SDK1: variants seen among roughly 807,000 people sequenced by gnomAD.
SDK1 encodes sidekick cell adhesion molecule 1.
Under a neutral mutation model 245.5 loss-of-function variants are expected in SDK1, and 157 were observed. The observed-to-expected ratio is 0.64, with a 90% CI of 0.56 to 0.73. SDK1 has a LOEUF of 0.73. SDK1 is among the 30% of genes least tolerant of loss of function. The pLI, the probability that SDK1 is intolerant of heterozygous loss-of-function variation, is 0.00. For missense variants in SDK1, 3,583 were observed against 3,002.3 expected, an observed-to-expected ratio of 1.19 and a Z score of -4.52; for synonymous variants, 1,647 against 1,278.5, an observed-to-expected ratio of 1.29 and a Z score of -6.15.
At chr7:3,607,987 G>C (rs1421463389) in intron 1 of SDK1, among the ~76,000 whole-genome samples, 5 of 152,230 alleles carry the variant, frequency 3.3e-5, no homozygotes, top group Admixed American at 2.6e-4. Flanking sequence ...CATCAGAATA[G>C]ACCTTTGTAC....
rs944677220 is a variant in SDK1 at position 3,859,875 on chromosome 7, A to T, written c.847+38292A>T. 6.6e-5 allele frequency among the ~76,000 whole-genome samples: 10 copies of T among 152,280 alleles called. No homozygotes were observed. The East Asian group carries it at 1.2e-3, about 18-fold the overall frequency. On this transcript the variant is annotated intron_variant, in intron 5 of 44. Coordinates refer to ENST00000404826, the MANE Select transcript of SDK1 (RefSeq NM_152744.4). The stretch of plus-strand genomic sequence containing the variant: ...TAGAAAATAATGACGTGTGGGGAAG[A>T]TCTTTTTTAAGAAACAAAGTTTTAA...
intron 1 of SDK1, among the ~76,000 whole-genome samples, chr7:3,612,737 G>T (rs556297039): frequency 2.0e-5 from 3 of 152,138 alleles, no homozygotes; most frequent in Non-Finnish European, 2.9e-5. Flanking sequence ...TTCAGCTGTG[G>T]CAAAAGCGGA....
intron 5 of SDK1, among the ~76,000 whole-genome samples, chr7:3,834,770 G>A (rs775167813): frequency 6.6e-6 from 1 of 152,158 alleles, no homozygotes; most frequent in Admixed American, 6.6e-5. Flanking sequence ...CGCAAGCCAC[G>A]GGAAGAGTGC....
intron 20 of SDK1, among the ~76,000 whole-genome samples, chr7:4,073,558 C>G (rs1480003852): frequency 6.6e-6 from 1 of 152,184 alleles, no homozygotes; most frequent in African/African-American, 2.4e-5. Context: ...TGAAAAACAG[C>G]TTTTAAACAA....
At chr7:3,430,246 C>G (rs1432690210) in intron 1 of SDK1, among the ~76,000 whole-genome samples, 2 of 152,198 alleles carry the variant, frequency 1.3e-5, no homozygotes, top group Non-Finnish European at 2.9e-5. Flanking sequence ...ACTTGATGCA[C>G]TCCAGGTGCA....
At chr7:3,642,495 C>T (rs1676881642) in intron 4 of SDK1, among the ~76,000 whole-genome samples, 1 of 151,996 alleles carries the variant, frequency 6.6e-6, no homozygotes, top group South Asian at 2.1e-4. Flanking sequence ...TTTTTTCCCC[C>T]TCCTTTTATT....
chr7:3,753,022 T>G (rs752020213), intron 4 of SDK1, among the ~76,000 whole-genome samples: 1 of 152,206 alleles, frequency 6.6e-6, no homozygotes, highest in Non-Finnish European at 1.5e-5. Flanking sequence ...ACGTTGATAC[T>G]ACTCGGTGTC....
At chr7:3,758,132 G>A (rs1037241154) in intron 4 of SDK1, among the ~76,000 whole-genome samples, 3 of 152,132 alleles carry the variant, frequency 2.0e-5, no homozygotes, top group Non-Finnish European at 2.9e-5. Flanking sequence ...GAGTATCAAA[G>A]AATTCGTGGG....
intron 5 of SDK1, among the ~76,000 whole-genome samples, chr7:3,831,548 C>A (rs1238370177): frequency 6.6e-6 from 1 of 152,086 alleles, no homozygotes; most frequent in Non-Finnish European, 1.5e-5. Context: ...AAGGGAGCAC[C>A]TAGAGTGGTA....
intron 5 of SDK1, among the ~76,000 whole-genome samples, chr7:3,911,019 A>C (rs1779143811): frequency 6.6e-6 from 1 of 152,110 alleles, no homozygotes; most frequent in African/African-American, 2.4e-5. Flanking sequence ...AGCGCCACTG[A>C]TGCACAGCCT....
At chr7:3,714,743 G>A (rs376292306) in intron 4 of SDK1, among the ~76,000 whole-genome samples, 12 of 152,200 alleles carry the variant, frequency 7.9e-5, no homozygotes, top group East Asian at 1.9e-4. Flanking sequence ...TGCTTGAAGC[G>A]TTGAGTGTCA....
rs1243455419 is a variant in SDK1, at chr7:3,655,481, A to ATGTATGTATGTATG, written c.713+13377_713+13378insGTATGTATGTATGT. The stretch of plus-strand genomic sequence containing the variant: ...TATATATATATATATATATATATAT[A>ATGTATGTATGTATG]TATATATATATATATATATATATGT... On this transcript the variant is annotated intron_variant, in intron 4 of 44. Transcript: ENST00000404826. Among the ~76,000 whole-genome samples, 11 of 76,280 alleles carry ATGTATGTATGTATG rather than the reference A, an allele frequency of 1.4e-4. 1 individual carries two copies. The highest frequency in any genetic ancestry group is 2.8e-4 in the African/African-American group (6 of 21,542). 50.0% of individuals were successfully genotyped at this position (76,280 alleles called of 152,430 possible).
intron 1 of SDK1, among the ~76,000 whole-genome samples, chr7:3,613,204 A>T (rs775524519): frequency 6.6e-6 from 1 of 152,080 alleles, no homozygotes; most frequent in South Asian, 2.1e-4. Flanking sequence ...CCCTTTCTTG[A>T]TGTTAGGGAA....
intron 1 of SDK1, among the ~76,000 whole-genome samples, chr7:3,320,681 C>T (rs1211741100): frequency 6.6e-6 from 1 of 151,986 alleles, no homozygotes; most frequent in Admixed American, 6.6e-5. Context: ...CATGGCCATC[C>T]CAGAATAAGT....
intron 1 of SDK1, among the ~76,000 whole-genome samples, chr7:3,402,278 T>C (rs1169134718): frequency 6.6e-6 from 1 of 152,158 alleles, no homozygotes; most frequent in African/African-American, 2.4e-5. Context: ...ATGATATCTG[T>C]TATAAAGGAT....
chr7:3,376,574 A>G (rs1458231593), intron 1 of SDK1, among the ~76,000 whole-genome samples: 1 of 152,232 alleles, frequency 6.6e-6, no homozygotes, highest in Non-Finnish European at 1.5e-5. Context: ...CATTGTATTT[A>G]CCAGATTCAC....
At chr7:4,255,046 G>C (rs140172017) in intron 44 of SDK1, among the ~76,000 whole-genome samples, 71 of 152,332 alleles carry the variant, frequency 4.7e-4, no homozygotes, top group African/African-American at 1.6e-3. Flanking sequence ...TGATCCAGTT[G>C]AAGTCCAGCC....
chr7:3,378,648 A>C (rs1213516785), intron 1 of SDK1, among the ~76,000 whole-genome samples: 1 of 151,954 alleles, frequency 6.6e-6, no homozygotes, highest in African/African-American at 2.4e-5. Context: ...TGTTTACTTC[A>C]AAGGCTTGGT....
chr7:3,397,697 A>G (rs1778758516), intron 1 of SDK1, among the ~76,000 whole-genome samples: 1 of 151,908 alleles, frequency 6.6e-6, no homozygotes, highest in African/African-American at 2.4e-5. Flanking sequence ...TGGATATGTA[A>G]TTTAATGTTT....
Sources: allele counts gnomAD v4.1 joint callset (sites outside exome capture counted in the v4.1 genomes callset), GRCh38; gene constraint gnomAD v4.1.1; transcripts MANE v1.5; gene names NCBI Gene and HGNC (gene_info 2026-07-23, HGNC 2026-07-21).